Variants in SORCS3 observed in about 807,000 individuals in gnomAD.
SORCS3 encodes the protein sortilin related VPS10 domain containing receptor 3, also known as VPS10 domain-containing receptor SorCS3.
Under a neutral mutation model 146.3 loss-of-function variants are expected in SORCS3, and 57 were observed. The observed-to-expected ratio is 0.39, with a 90% CI of 0.31 to 0.49. The LOEUF (loss-of-function observed/expected upper bound fraction) is 0.49. Among genes scored for constraint, SORCS3 ranks in the 20% least tolerant of loss-of-function variants. The pLI, the probability that SORCS3 is intolerant of heterozygous loss-of-function variation, is 0.92. For missense variants in SORCS3, 1,341 were observed against 1,575.5 expected, an observed-to-expected ratio of 0.85 and a Z score of 2.52; for synonymous variants, 653 against 618.5, an observed-to-expected ratio of 1.06 and a Z score of -0.83.
In SORCS3 at chr10:104,948,312, A is replaced by T. The variant is rs2019394218; in HGVS notation, c.796-29023A>T. Among the ~76,000 whole-genome samples, 3 of 152,210 alleles carry T rather than the reference A, an allele frequency of 2.0e-5. No individual in the cohort carries two copies. The South Asian group carries it at 6.2e-4, about 32-fold the overall frequency. ...GGGTAGTGTGCAAAGCATGGAAATA[A>T]GGGCTTTGCCAAATTAGTGGGTCAT... On this transcript the variant is annotated intron_variant, in intron 3 of 26. Transcript: ENST00000369701.
intron 1 of SORCS3, among the ~76,000 whole-genome samples, chr10:104,754,440 C>G (rs1418783827): frequency 1.3e-5 from 2 of 152,180 alleles, no homozygotes; most frequent in Non-Finnish European, 2.9e-5. Flanking sequence ...TGCCCTTATA[C>G]TGTAACCTTT....
intron 4 of SORCS3, among the ~76,000 whole-genome samples, chr10:104,998,589 A>T (rs367999597): frequency 4.6e-5 from 7 of 152,144 alleles, no homozygotes; most frequent in Middle Eastern, 3.4e-3. Context: ...TTGAATTTTA[A>T]CCTTTCTAAG....
At chr10:105,163,227 T>TC (rs2056281914) in intron 11 of SORCS3, among the ~76,000 whole-genome samples, 1 of 152,336 alleles carries the variant, frequency 6.6e-6, no homozygotes, top group East Asian at 1.9e-4. Context: ...GGCTTTAATT[T>TC]CTCATCTTGA....
rs143472715 is a variant in SORCS3 at position 105,263,326 on chromosome 10, T to C, written c.3621T>C (p.Ile1207=). ...DTRVIGGIAT[I]ANSESTKEIP... Reference sequence around the variant, plus strand: ...TCTCTGCAGGAGGCATTGCCACTATTGCAAACAGCGAAAGCACAAAGGAGA... The same window carrying C: ...TCTCTGCAGGAGGCATTGCCACTATCGCAAACAGCGAAAGCACAAAGGAGA... Residue 1207 remains isoleucine, a synonymous_variant, in exon 27 of 27, where the codon ATT becomes ATC. Coordinates refer to ENST00000369701, the MANE Select transcript of SORCS3 (RefSeq NM_014978.3). 15 of 1,613,978 alleles carry C rather than the reference T, an allele frequency of 9.3e-6. No homozygotes were observed. The highest frequency in any genetic ancestry group is 1.3e-5 in the African/African-American group (1 of 74,946).
At chr10:104,994,584 C>A (rs1364876203) in intron 4 of SORCS3, among the ~76,000 whole-genome samples, 5 of 152,172 alleles carry the variant, frequency 3.3e-5, no homozygotes, top group Non-Finnish European at 5.9e-5. Flanking sequence ...CCTTGTGCTC[C>A]TTTGTAATTC....
intron 13 of SORCS3, among the ~76,000 whole-genome samples, chr10:105,172,715 A>T (rs2056370160): frequency 6.6e-6 from 1 of 152,046 alleles, no homozygotes; most frequent in African/African-American, 2.4e-5. Flanking sequence ...AATTACTCTT[A>T]TTGTCAGTTT....
chr10:105,159,425 A>G (rs1399085951), intron 11 of SORCS3, among the ~76,000 whole-genome samples: 2 of 152,212 alleles, frequency 1.3e-5, no homozygotes, highest in Non-Finnish European at 2.9e-5. Flanking sequence ...AATCAGGTGC[A>G]TGTAAAGGCT....
intron 6 of SORCS3, among the ~76,000 whole-genome samples, chr10:105,097,477 C>T (rs888739374): frequency 6.6e-6 from 1 of 152,190 alleles, no homozygotes; most frequent in African/African-American, 2.4e-5. Context: ...GAAGGACACA[C>T]ACACCCTCCA....
intron 2 of SORCS3, among the ~76,000 whole-genome samples, chr10:104,852,092 TC>T (rs1402829235): frequency 1.3e-5 from 2 of 152,322 alleles, no homozygotes; most frequent in Non-Finnish European, 2.9e-5. Flanking sequence ...TGTAAAAGAT[TC>T]CCCCCTTCAC....
intron 5 of SORCS3, among the ~76,000 whole-genome samples, chr10:105,051,777 C>G (rs1196323492): frequency 6.6e-6 from 1 of 152,068 alleles, no homozygotes; most frequent in Admixed American, 6.6e-5. Context: ...TATTGCAAAC[C>G]AGGGTATGCT....
intron 1 of SORCS3, among the ~76,000 whole-genome samples, chr10:104,754,635 G>A (rs1321112462): frequency 6.6e-6 from 1 of 152,188 alleles, no homozygotes; most frequent in East Asian, 1.9e-4. Context: ...TGAGAGCAGT[G>A]TTTGGGCTTG....
At chr10:104,925,376 A>G (rs2019131345) in intron 3 of SORCS3, among the ~76,000 whole-genome samples, 1 of 152,098 alleles carries the variant, frequency 6.6e-6, no homozygotes, top group Admixed American at 6.6e-5. Context: ...AAACCACTTA[A>G]TTTTTTTGTC....
intron 1 of SORCS3, among the ~76,000 whole-genome samples, chr10:104,749,584 C>T (rs532376169): frequency 6.6e-6 from 1 of 152,028 alleles, no homozygotes; most frequent in African/African-American, 2.4e-5. Flanking sequence ...ATATTCCCAG[C>T]CCCCTCAGCA....
At chr10:104,767,570 C>G (rs2017195006) in intron 1 of SORCS3, among the ~76,000 whole-genome samples, 1 of 147,204 alleles carries the variant, frequency 6.8e-6, no homozygotes, top group Non-Finnish European at 1.5e-5. Context: ...CTTTCCCTTC[C>G]TCTCCCTTTC....
intron 3 of SORCS3, 137 bp from the exon 4 acceptor site, chr10:104,977,198 G>A: frequency 1.8e-6 from 1 of 553,536 alleles, no homozygotes; most frequent in South Asian, 7.5e-5. Context: ...GTTAATACAA[G>A]TATTTTTTAC....
chr10:104,704,763 A>G (rs748700850), intron 1 of SORCS3, among the ~76,000 whole-genome samples: 19 of 152,100 alleles, frequency 1.2e-4, no homozygotes, highest in South Asian at 2.1e-4. Context: ...TGTGGAAAGG[A>G]TCATCTTTGC....
intron 1 of SORCS3, among the ~76,000 whole-genome samples, chr10:104,677,944 T>C (rs1193141570): frequency 6.6e-6 from 1 of 152,186 alleles, no homozygotes; most frequent in Admixed American, 6.5e-5. Flanking sequence ...TCCTCCCTTT[T>C]GCAGTGTTTT....
intron 19 of SORCS3, among the ~76,000 whole-genome samples, chr10:105,220,591 G>A (rs72819904): frequency 0.045 from 6,829 of 152,236 alleles, 220 homozygotes; most frequent in Non-Finnish European, 0.067. Context: ...GAGAAGAGAA[G>A]CAGTGACTTT....
intron 11 of SORCS3, among the ~76,000 whole-genome samples, chr10:105,163,755 G>T (rs2056286793): frequency 6.6e-6 from 1 of 152,030 alleles, no homozygotes; most frequent in South Asian, 2.1e-4. Context: ...GCTGAGTGTG[G>T]TCATCTTCTT....
Sources: gnomAD v4.1 joint callset for allele counts (sites outside exome capture counted in the v4.1 genomes callset) on GRCh38, gnomAD v4.1.1 for gene constraint, MANE v1.5 for transcripts, NCBI Gene and HGNC (gene_info 2026-07-23, HGNC 2026-07-21) for gene names.